Variants in ATP2C2 observed in about 807,000 individuals in gnomAD.
ATP2C2 encodes the protein calcium-transporting ATPase type 2C member 2.
Under a neutral mutation model 110.8 loss-of-function variants are expected in ATP2C2, and 171 were observed. The ratio of observed to expected loss-of-function variants is 1.54; its 90% CI spans 1.36 to 1.75. ATP2C2 has a LOEUF of 1.75. Ranked by LOEUF, ATP2C2 falls within the 40% of genes most tolerant of loss-of-function variation. The pLI, the probability that ATP2C2 is intolerant of heterozygous loss-of-function variation, is 0.00. For missense variants in ATP2C2, 1,963 were observed against 1,235.0 expected, an observed-to-expected ratio of 1.59 and a Z score of -8.84; for synonymous variants, 804 against 508.4, an observed-to-expected ratio of 1.58 and a Z score of -7.82.
chr16:84,414,462 G>A (rs892372713), intron 6 of ATP2C2, among the ~76,000 whole-genome samples: 2 of 152,122 alleles, frequency 1.3e-5, no homozygotes, highest in Non-Finnish European at 2.9e-5. Context: ...TATAGAAGAA[G>A]GGTGTGTGTG....
At position 84,459,106 on chromosome 16, in the gene ATP2C2, C is replaced by G. The variant is rs757883097; in HGVS notation, c.2148-14C>G. 7.4e-6 allele frequency: 12 copies of G among 1,614,060 alleles called. No individual in the cohort carries two copies. Among genetic ancestry groups the G allele is most frequent in the East Asian group, 2.2e-5 (1 of 44,888 alleles). ...AGGCCCGCTCCGTGAGTAAATGGCT[C>G]TCTTCTCTTGCAGGAATGCAGTGGA... On this transcript the variant is annotated splice_polypyrimidine_tract_variant and intron_variant, in intron 21 of 26. Coordinates refer to ENST00000262429, the MANE Select transcript of ATP2C2 (RefSeq NM_014861.4).
At chr16:84,393,420 G>A (rs1213652586) in intron 1 of ATP2C2, among the ~76,000 whole-genome samples, 1 of 152,086 alleles carries the variant, frequency 6.6e-6, no homozygotes, top group African/African-American at 2.4e-5. Context: ...AGACTGGACT[G>A]AGGCAGAGCA....
intron 11 of ATP2C2, among the ~76,000 whole-genome samples, chr16:84,426,881 A>G (rs1244201814): frequency 6.6e-6 from 1 of 152,274 alleles, no homozygotes; most frequent in East Asian, 1.9e-4. Flanking sequence ...TTCATAAGTC[A>G]TCCCAAGCCC....
intron 11 of ATP2C2, among the ~76,000 whole-genome samples, chr16:84,430,783 C>G (rs182685601): frequency 6.6e-6 from 1 of 152,186 alleles, no homozygotes; most frequent in East Asian, 1.9e-4. Flanking sequence ...TAAGTCTGGC[C>G]TCCTTTTTAC....
At chr16:84,388,802 T>C (rs1904474552) in intron 1 of ATP2C2, among the ~76,000 whole-genome samples, 1 of 152,250 alleles carries the variant, frequency 6.6e-6, no homozygotes, top group Admixed American at 6.5e-5. Flanking sequence ...AGATGGAGTC[T>C]CGCTCTGTTG....
rs758619009 is a variant in ATP2C2 at position 84,463,613 on chromosome 16, G to T, written c.2723-1G>T. The T allele has an allele frequency of 6.2e-7, 1 of 1,612,564 alleles. No individual in the cohort carries two copies. The highest frequency in any genetic ancestry group is 8.5e-7 in the Non-Finnish European group (1 of 1,178,562). ...ATCTTTTCTGTTTTCTCCCTTGGCA[G>T]ATTTGCTGTTTTTAACTGGATTGGC... On this transcript the variant is annotated splice_acceptor_variant, in intron 26 of 26. Transcript: ENST00000262429. LOFTEE classifies it high-confidence loss of function.
chr16:84,377,818 C>A (rs562650514), intron 1 of ATP2C2, among the ~76,000 whole-genome samples: 1 of 151,998 alleles, frequency 6.6e-6, no homozygotes, highest in African/African-American at 2.4e-5. Flanking sequence ...GAGCTGTGGG[C>A]CACCAGGAGA....
chr16:84,440,925 A>G lies in ATP2C2; in HGVS notation c.1278A>G (p.Glu426=), dbSNP rs774615467. 2 of 1,613,072 alleles carry G rather than the reference A, an allele frequency of 1.2e-6. No homozygotes were observed. The highest frequency in any genetic ancestry group is 2.2e-5 in the East Asian group (1 of 44,878). The change falls in exon 14 of 27, where the codon GAA becomes GAG. Residue 426 remains glutamate (E), a synonymous_variant. Transcript: ENST00000262429. Reference sequence around the variant, plus strand: ...TACCATCCAAGGAAGTCATTAAGGAATTTTCCAATGTCTCAGTGGGAAAGT... The same window carrying G: ...TACCATCCAAGGAAGTCATTAAGGAGTTTTCCAATGTCTCAGTGGGAAAGT... ...CLLPSKEVIK[E]FSNVSVGKLV... is the part of the protein sequence containing the mutation.
intron 7 of ATP2C2, 21 bp from the exon 8 acceptor site, chr16:84,422,369 C>A (rs1275796996): frequency 6.2e-6 from 10 of 1,609,286 alleles, no homozygotes; most frequent in East Asian, 2.2e-5. Flanking sequence ...ATTCCACAGC[C>A]TTTTCCCCTT....
chr16:84,447,791 A>G (rs1259358660), intron 16 of ATP2C2, among the ~76,000 whole-genome samples: 4 of 145,062 alleles, frequency 2.8e-5, no homozygotes, highest in African/African-American at 1.0e-4. Context: ...TAATACATAT[A>G]AATAATATAC....
intron 17 of ATP2C2, among the ~76,000 whole-genome samples, chr16:84,449,080 G>C (rs1910020310): frequency 6.6e-6 from 1 of 150,860 alleles, no homozygotes; most frequent in Admixed American, 6.6e-5. Context: ...TTCTGCAGCA[G>C]AGCCAGTGCC....
At position 84,463,711 on chromosome 16, in the gene ATP2C2, G is replaced by C. The variant is rs917561341; in HGVS notation, c.2820G>C (p.Gln940His). The C allele has an allele frequency of 5.6e-6, 9 of 1,613,788 alleles. No homozygotes were observed. Among genetic ancestry groups the C allele is most frequent in the Non-Finnish European group, 6.8e-6 (8 of 1,179,686 alleles). The change falls in exon 27 of 27, where the codon CAG becomes CAC. Residue 940 changes from glutamine (Q) to histidine (H), a missense_variant. By Grantham distance (24) the Gln-to-His change is conservative. Coordinates refer to ENST00000262429, the MANE Select transcript of ATP2C2 (RefSeq NM_014861.4). ...EKYCCSPKRVQMHPEDV is the reference protein window; with the variant it reads ...EKYCCSPKRVHMHPEDV ...ACTGTTGCAGCCCCAAGAGAGTCCA[G>C]ATGCACCCTGAAGATGTGTAGTGGA...
At chr16:84,438,782 C>A (rs958576313) in intron 11 of ATP2C2, among the ~76,000 whole-genome samples, 3 of 152,192 alleles carry the variant, frequency 2.0e-5, no homozygotes, top group African/African-American at 7.2e-5. Context: ...ACCCCTGGAA[C>A]CAAAAACTCT....
intron 26 of ATP2C2, 87 bp from the exon 27 acceptor site, chr16:84,463,527 T>G: frequency 9.0e-7 from 1 of 1,117,122 alleles, no homozygotes; most frequent in Non-Finnish European, 1.4e-6. Context: ...TCTCACTTTA[T>G]CAGGAGGACT....
chr16:84,394,924 C>A (rs1022151172), intron 1 of ATP2C2, among the ~76,000 whole-genome samples: 4 of 152,140 alleles, frequency 2.6e-5, no homozygotes, highest in Non-Finnish European at 2.9e-5. Context: ...AGGTGTTAGG[C>A]TTTCAAAGAA....
intron 15 of ATP2C2, among the ~76,000 whole-genome samples, chr16:84,445,520 T>C (rs1337908843): frequency 6.6e-6 from 1 of 152,156 alleles, no homozygotes; most frequent in African/African-American, 2.4e-5. Flanking sequence ...CCTCCTCTTA[T>C]ATCCAGTCAT....
At chr16:84,380,457 C>T (rs753869676) in intron 1 of ATP2C2, among the ~76,000 whole-genome samples, 2 of 152,186 alleles carry the variant, frequency 1.3e-5, no homozygotes, top group East Asian at 1.9e-4. Flanking sequence ...GTTCCTCCTT[C>T]ACTCCCCCAC....
chr16:84,448,817 A>AGT, intron 17 of ATP2C2, 128 bp downstream of exon 17: 1 of 1,286,198 alleles, frequency 7.8e-7, no homozygotes, highest in Non-Finnish European at 1.1e-6. Context: ...TGCTGACGGC[A>AGT]ATAATGTGTG....
intron 1 of ATP2C2, among the ~76,000 whole-genome samples, chr16:84,385,527 C>T (rs1038692574): frequency 2.0e-5 from 3 of 152,142 alleles, no homozygotes; most frequent in Non-Finnish European, 4.4e-5. Context: ...TTAACTTGGT[C>T]GTTTATTCAT....
Sources: allele counts gnomAD v4.1 joint callset (sites outside exome capture counted in the v4.1 genomes callset), GRCh38; gene constraint gnomAD v4.1.1; transcripts MANE v1.5; gene names NCBI Gene and HGNC (gene_info 2026-07-23, HGNC 2026-07-21).